Variants in PLEKHG1 observed in about 807,000 individuals in gnomAD.
PLEKHG1 encodes pleckstrin homology and RhoGEF domain containing G1, also known as pleckstrin homology domain-containing family G member 1.
In PLEKHG1, 44 loss-of-function variants were observed where a neutral mutation model predicts 100.8. The ratio of observed to expected loss-of-function variants is 0.44; its 90% CI spans 0.34 to 0.56. The LOEUF (loss-of-function observed/expected upper bound fraction) is 0.56. Among genes scored for constraint, PLEKHG1 ranks in the 20% least tolerant of loss-of-function variants. The pLI, the probability that PLEKHG1 is intolerant of heterozygous loss-of-function variation, is 0.01. For missense variants in PLEKHG1, 1,545 were observed against 1,720.9 expected, an observed-to-expected ratio of 0.90 and a Z score of 1.81; for synonymous variants, 640 against 662.5, an observed-to-expected ratio of 0.97 and a Z score of 0.52.
chr6:150,628,527 A>AACAAACACACACAC (rs1554253881), intron 1 of PLEKHG1, among the ~76,000 whole-genome samples: 1 of 94,760 alleles, frequency 1.1e-5, no homozygotes, highest in Non-Finnish European at 2.1e-5. Flanking sequence ...TAGATAGGAA[A>AACAAACACACACAC]ACACACACAC....
rs57683244 is a variant in PLEKHG1, at chr6:150,833,043, A to ATTTT, written c.3094+852_3094+855dup. On this transcript the variant is annotated intron_variant, in intron 15 of 15. Coordinates refer to ENST00000358517, the Ensembl canonical transcript of PLEKHG1. ...TCTCACATATCTCCATTACTACTCA[A>ATTTT]TTTTTTTTTTTTTTTTTGAGATAGG... 6.6e-3 allele frequency among the ~76,000 whole-genome samples: 882 copies of ATTTT among 133,502 alleles called. 5 individuals are homozygous for ATTTT. The highest frequency in any genetic ancestry group is 0.024 in the Middle Eastern group (6 of 252). 87.6% of individuals were successfully genotyped at this position (133,502 alleles called of 152,430 possible). A position where few individuals can be genotyped will look rare whatever the true frequency, so the allele number is the denominator to read the frequency against.
chr6:150,763,024 C>CTTTTTTTTTTTTTTTT lies in PLEKHG1; in HGVS notation c.412-5609_412-5594dup, dbSNP rs60462437. ...AGCACCAACAGGAGGGATAAAGCTT[C>CTTTTTTTTTTTTTTTT]TTTTTTTTTTTTTTTTTTTTGAGAC... On this transcript the variant is annotated intron_variant, in intron 2 of 15. Coordinates refer to ENST00000358517, the Ensembl canonical transcript of PLEKHG1. Among the ~76,000 whole-genome samples, 86 of 76,494 alleles carry CTTTTTTTTTTTTTTTT rather than the reference C, an allele frequency of 1.1e-3. 9 individuals are homozygous for CTTTTTTTTTTTTTTTT. Among genetic ancestry groups the CTTTTTTTTTTTTTTTT allele is most frequent in the African/African-American group, 4.6e-3 (66 of 14,472 alleles). The allele number at this position is 76,494 out of a possible 152,430, so 50.2% of individuals were successfully genotyped here.
chr6:150,686,451 G>A (rs1400362180), intron 3 of PLEKHG1, among the ~76,000 whole-genome samples: 2 of 152,142 alleles, frequency 1.3e-5, no homozygotes, highest in Non-Finnish European at 2.9e-5. Context: ...AAGAGAAATA[G>A]GTATGCAGGT....
At chr6:150,611,777 A>C (rs1209287612) in intron 1 of PLEKHG1, among the ~76,000 whole-genome samples, 1 of 149,938 alleles carries the variant, frequency 6.7e-6, no homozygotes, top group African/African-American at 2.5e-5. Context: ...GCACCACTGC[A>C]CTCCAGCCTG....
chr6:150,824,683 C>G (rs1776490672), intron 14 of PLEKHG1, among the ~76,000 whole-genome samples: 1 of 150,270 alleles, frequency 6.7e-6, no homozygotes, highest in Admixed American at 6.7e-5. Flanking sequence ...GCACCCGCCA[C>G]TAGGCCCAGC....
At chr6:150,776,763 C>T (rs1241998862) in intron 3 of PLEKHG1, among the ~76,000 whole-genome samples, 4 of 151,742 alleles carry the variant, frequency 2.6e-5, no homozygotes, top group Non-Finnish European at 5.9e-5. Flanking sequence ...GCACATTACT[C>T]ACACTGATGC....
At chr6:150,799,148 T>G (rs1345081838) in intron 5 of PLEKHG1, among the ~76,000 whole-genome samples, 1 of 152,212 alleles carries the variant, frequency 6.6e-6, no homozygotes, top group Non-Finnish European at 1.5e-5. Flanking sequence ...GTCCATTTCT[T>G]GCCCAATTGT....
upstream of PLEKHG1, among the ~76,000 whole-genome samples, chr6:150,716,257 T>G (rs1781436654): frequency 6.6e-6 from 1 of 152,218 alleles, no homozygotes; most frequent in African/African-American, 2.4e-5. Flanking sequence ...ATGAAAAATG[T>G]TCCACAATGG....
intron 3 of PLEKHG1, among the ~76,000 whole-genome samples, chr6:150,703,178 C>T (rs1274818502): frequency 9.7e-6 from 1 of 103,328 alleles, no homozygotes; most frequent in Non-Finnish European, 2.0e-5. Flanking sequence ...TCCCTTCCCA[C>T]TTCTCTCCTT....
intron 1 of PLEKHG1, among the ~76,000 whole-genome samples, chr6:150,636,613 T>C (rs1778011535): frequency 1.3e-5 from 2 of 152,174 alleles, no homozygotes; most frequent in African/African-American, 4.8e-5. Context: ...TTTATACCCT[T>C]GCTTTCATAT....
intron 11 of PLEKHG1, among the ~76,000 whole-genome samples, chr6:150,819,156 C>T: frequency 6.6e-6 from 1 of 150,680 alleles, no homozygotes. Context: ...GTGGCTCACG[C>T]CTGTCATCCC....
At chr6:150,620,174 T>C (rs9384567) in intron 1 of PLEKHG1, among the ~76,000 whole-genome samples, 6,724 of 152,268 alleles carry the variant, frequency 0.044, 356 homozygotes, top group African/African-American at 0.11. Context: ...GTGTTTTTAA[T>C]CTGAAAGGGG....
chr6:150,755,383 G>A (rs969799885), intron 2 of PLEKHG1, among the ~76,000 whole-genome samples: 4 of 152,104 alleles, frequency 2.6e-5, no homozygotes, highest in African/African-American at 7.2e-5. Context: ...GCCTTCCTAC[G>A]GCACTGGTAT....
intron 1 of PLEKHG1, among the ~76,000 whole-genome samples, chr6:150,635,813 T>C (rs1264235397): frequency 1.3e-5 from 2 of 152,256 alleles, no homozygotes; most frequent in Middle Eastern, 3.4e-3. Context: ...CGAAACCTGA[T>C]AGAATTGCAG....
intron 2 of PLEKHG1, among the ~76,000 whole-genome samples, chr6:150,745,434 G>A (rs73011245): frequency 0.11 from 16,443 of 152,208 alleles, 1,091 homozygotes; most frequent in East Asian, 0.21. Context: ...TGTGGCTCAT[G>A]CACTGTGGGA....
At chr6:150,777,350 G>T (rs552159948) in intron 3 of PLEKHG1, among the ~76,000 whole-genome samples, 108 of 149,314 alleles carry the variant, frequency 7.2e-4, no homozygotes, top group Middle Eastern at 3.8e-3. Flanking sequence ...TGCAGTCCTG[G>T]TGCACATGTG....
At chr6:150,628,300 T>C (rs1193402690) in intron 1 of PLEKHG1, among the ~76,000 whole-genome samples, 1 of 152,194 alleles carries the variant, frequency 6.6e-6, no homozygotes, top group African/African-American at 2.4e-5. Flanking sequence ...TTTTCTGTTT[T>C]ACTGTAAATT....
intron 7 of PLEKHG1, 123 bp from the exon 9 acceptor site, chr6:150,808,982 T>C (rs1787316182): frequency 1.4e-5 from 10 of 699,286 alleles, no homozygotes; most frequent in Non-Finnish European, 2.4e-5. Flanking sequence ...AGATACCACG[T>C]AGATAGTTAG....
chr6:150,802,237 A>C (rs1433798508), intron 6 of PLEKHG1, among the ~76,000 whole-genome samples: 1 of 152,222 alleles, frequency 6.6e-6, no homozygotes, highest in Non-Finnish European at 1.5e-5. Context: ...ATGAAGTCAC[A>C]TCAGGGATAT....
Sources: gnomAD v4.1 joint callset for allele counts (sites outside exome capture counted in the v4.1 genomes callset) on GRCh38, gnomAD v4.1.1 for gene constraint, MANE v1.5 for transcripts, NCBI Gene and HGNC (gene_info 2026-07-23, HGNC 2026-07-21) for gene names.